Variants in SCLT1 observed in about 807,000 individuals in gnomAD.
SCLT1 encodes sodium channel and clathrin linker 1, also known as sodium channel-associated protein 1.
A neutral mutation model predicts 112.8 loss-of-function variants in SCLT1; 78 were observed. The observed-to-expected ratio is 0.69, with a 90% CI of 0.58 to 0.83. The LOEUF is 0.83. SCLT1 is among the 40% of genes least tolerant of loss of function. SCLT1 has a pLI of 0.00. For synonymous variants in SCLT1, 257 were observed against 254.7 expected (o/e 1.01, Z -0.09); for missense variants, 747 against 770.4 (o/e 0.97, Z 0.36).
At chr4:129,050,203 T>A (rs1487641760) in intron 2 of SCLT1, among the ~76,000 whole-genome samples, 8 of 152,206 alleles carry the variant, frequency 5.3e-5, no homozygotes. Flanking sequence ...TAAACATACG[T>A]GTGCATGTGT....
chr4:128,886,152 C>G (rs150924027), intron 20 of SCLT1, among the ~76,000 whole-genome samples: 1 of 152,070 alleles, frequency 6.6e-6, no homozygotes, highest in African/African-American at 2.4e-5. Flanking sequence ...AAAGGCTTCA[C>G]CACGCTGATT....
At chr4:129,084,171 T>C (rs968492066) in intron 1 of SCLT1, among the ~76,000 whole-genome samples, 1 of 152,156 alleles carries the variant, frequency 6.6e-6, no homozygotes, top group Non-Finnish European at 1.5e-5. Flanking sequence ...CAACACTCTA[T>C]TGGAGGTCTA....
At chr4:129,050,364 G>T (rs2125710385) in intron 2 of SCLT1, among the ~76,000 whole-genome samples, 1 of 152,272 alleles carries the variant, frequency 6.6e-6, no homozygotes, top group South Asian at 2.1e-4. Context: ...CAGTGTAAAA[G>T]CATTCCTATT....
chr4:129,092,370 T>A (rs1752920766), intron 1 of SCLT1, among the ~76,000 whole-genome samples: 1 of 152,242 alleles, frequency 6.6e-6, no homozygotes, highest in South Asian at 2.1e-4. Context: ...TTGTTCTATT[T>A]GGGATGCCTA....
At chr4:129,084,819 T>G (rs1009825779) in intron 1 of SCLT1, among the ~76,000 whole-genome samples, 4 of 152,110 alleles carry the variant, frequency 2.6e-5, no homozygotes, top group African/African-American at 9.7e-5. Context: ...GCAAGCCATA[T>G]GAAAAAAGAC....
intron 2 of SCLT1, among the ~76,000 whole-genome samples, chr4:129,047,970 C>A (rs1748350893): frequency 6.6e-6 from 1 of 152,116 alleles, no homozygotes; most frequent in African/African-American, 2.4e-5. Flanking sequence ...CTGAACAATA[C>A]AGAAGCTTTT....
intron 10 of SCLT1, among the ~76,000 whole-genome samples, chr4:128,969,392 G>A (rs2126031008): frequency 6.6e-6 from 1 of 152,010 alleles, no homozygotes; most frequent in African/African-American, 2.4e-5. Context: ...CTAACACGGT[G>A]AAACCCTGTC....
chr4:129,050,792 T>C (rs1748708010), intron 2 of SCLT1, among the ~76,000 whole-genome samples: 1 of 152,244 alleles, frequency 6.6e-6, no homozygotes, highest in Non-Finnish European at 1.5e-5. Flanking sequence ...GTTTTAGTCA[T>C]GAAGTCTTTG....
intron 2 of SCLT1, among the ~76,000 whole-genome samples, chr4:129,056,927 C>G (rs1749450530): frequency 6.6e-6 from 1 of 152,198 alleles, no homozygotes; most frequent in South Asian, 2.1e-4. Flanking sequence ...GAAGAAAAAA[C>G]TTTCAACTTT....
chr4:128,967,751 C>G (rs1740334704), intron 10 of SCLT1, among the ~76,000 whole-genome samples: 1 of 152,162 alleles, frequency 6.6e-6, no homozygotes, highest in East Asian at 1.9e-4. Flanking sequence ...GATATTACAC[C>G]TTTGTCAGAT....
chr4:128,959,554 T>C (rs374551681), intron 12 of SCLT1, 46 bp downstream of exon 12: 26 of 1,420,700 alleles, frequency 1.8e-5, no homozygotes, highest in South Asian at 1.3e-4. Flanking sequence ...CATGGGAGAA[T>C]AGTCAACATT....
chr4:128,924,671 A>C (rs774846137), intron 18 of SCLT1, among the ~76,000 whole-genome samples: 1 of 152,122 alleles, frequency 6.6e-6, no homozygotes, highest in East Asian at 1.9e-4. Flanking sequence ...TTTCTTTTAG[A>C]TATTTTATTG....
At chr4:128,942,212 G>T (rs1579446753) in intron 17 of SCLT1, among the ~76,000 whole-genome samples, 1 of 151,976 alleles carries the variant, frequency 6.6e-6, no homozygotes, top group Non-Finnish European at 1.5e-5. Flanking sequence ...CCTGCAATAG[G>T]AGGCATTCAA....
chr4:129,049,728 A>T (rs904251038), intron 2 of SCLT1, among the ~76,000 whole-genome samples: 1 of 150,400 alleles, frequency 6.6e-6, no homozygotes. Context: ...GCAGTTTTTT[A>T]ATTTTTATTT....
At chr4:128,875,994 A>C (rs1395540434) in intron 4 of SCLT1, among the ~76,000 whole-genome samples, 1 of 152,074 alleles carries the variant, frequency 6.6e-6, no homozygotes, top group Non-Finnish European at 1.5e-5. Context: ...CTGGGCCTAC[A>C]CTCTCATTCT....
chr4:128,993,292 A>C (rs1332074239), intron 8 of SCLT1, among the ~76,000 whole-genome samples: 2 of 151,990 alleles, frequency 1.3e-5, no homozygotes, highest in Admixed American at 6.6e-5. Context: ...TTCCTGACTA[A>C]AATATGAGCC....
chr4:129,043,325 G>C, intron 4 of SCLT1, 70 bp downstream of exon 4: 1 of 792,702 alleles, frequency 1.3e-6, no homozygotes. Context: ...TTTTTAAAAA[G>C]AGGGAGTCTA....
At chr4:128,982,846 T>G (rs998586474) in intron 9 of SCLT1, among the ~76,000 whole-genome samples, 1 of 152,054 alleles carries the variant, frequency 6.6e-6, no homozygotes, top group African/African-American at 2.4e-5. Context: ...GCCACTCTGA[T>G]GAGAAGTTAA....
In SCLT1 at chr4:129,044,900, T is replaced by C. The variant is rs1446786576; in HGVS notation, c.103-849A>G. 4.8e-5 allele frequency among the ~76,000 whole-genome samples: 7 copies of C among 145,150 alleles called. No individual in the cohort carries two copies. In the East Asian group the frequency reaches 1.2e-3, roughly 25 times the overall value. Reference sequence around the variant, plus strand: ...GTTACTACATAGCAAAACACCACAATGCTATAGCAATTTAAACAGTATGCT... The same window carrying C: ...GTTACTACATAGCAAAACACCACAACGCTATAGCAATTTAAACAGTATGCT... On this transcript the variant is annotated intron_variant, in intron 2 of 20. Transcript: ENST00000281142.
Sources: allele counts gnomAD v4.1 joint callset (sites outside exome capture counted in the v4.1 genomes callset), GRCh38; gene constraint gnomAD v4.1.1; transcripts MANE v1.5; gene names NCBI Gene and HGNC (gene_info 2026-07-23, HGNC 2026-07-21).